The following PRKAR2B variants were observed in gnomAD, a reference collection of about 807,000 sequenced individuals.
PRKAR2B encodes protein kinase cAMP-dependent type II regulatory subunit beta.
A neutral mutation model predicts 49.9 loss-of-function variants in PRKAR2B; 14 were observed. The observed-to-expected ratio is 0.28, with a 90% CI of 0.19 to 0.44. The LOEUF is 0.44. Ranked by LOEUF, PRKAR2B falls within the 20% of genes least tolerant of loss-of-function variation. The probability of loss-of-function intolerance (pLI) is 1.00; values close to 1 mark genes in which losing one functional copy is unlikely to be tolerated. For missense variants in PRKAR2B, 393 were observed against 537.9 expected (o/e 0.73, Z 2.67); for synonymous variants, 196 against 197.7 (o/e 0.99, Z 0.07).
At chr7:107,141,060 G>C in intron 5 of PRKAR2B, 107 bp downstream of exon 5, 1 of 735,864 alleles carries the variant, frequency 1.4e-6, no homozygotes, top group Non-Finnish European at 2.2e-6. Context: ...TGTTATTGCC[G>C]CTACTCTTAT....
At position 107,104,580 on chromosome 7, in the gene PRKAR2B, T is replaced by G. The variant is rs138329505; in HGVS notation, c.344-17372T>G. On this transcript the variant is annotated intron_variant, in intron 2 of 10. Transcript: ENST00000265717. ...CCTCCCTAGTAACGCTGAAAATTAA[T>G]ATGGTCATTCACATGTTGTAGGAAG... 3.5e-4 allele frequency among the ~76,000 whole-genome samples: 53 copies of G among 152,318 alleles called. No homozygotes were observed. The East Asian group carries it at 6.4e-3, about 18-fold the overall frequency.
At chr7:107,090,462 A>G (rs756996868) in intron 2 of PRKAR2B, among the ~76,000 whole-genome samples, 13 of 152,204 alleles carry the variant, frequency 8.5e-5, no homozygotes, top group African/African-American at 2.4e-4. Flanking sequence ...GGGGTCTGCT[A>G]TGGCACAGGG....
intron 1 of PRKAR2B, among the ~76,000 whole-genome samples, chr7:107,061,103 C>T (rs1459882419): frequency 6.6e-6 from 1 of 151,934 alleles, no homozygotes; most frequent in African/African-American, 2.4e-5. Flanking sequence ...ATTGGGTTTG[C>T]TGTCCTTTCC....
chr7:107,092,143 TA>T (rs1480046274), intron 2 of PRKAR2B, among the ~76,000 whole-genome samples: 3 of 152,094 alleles, frequency 2.0e-5, no homozygotes, highest in Admixed American at 6.6e-5. Flanking sequence ...GAAGAGGCCC[TA>T]AATATAGGTT....
intron 4 of PRKAR2B, among the ~76,000 whole-genome samples, chr7:107,137,787 T>C (rs1795724349): frequency 6.6e-6 from 1 of 152,198 alleles, no homozygotes; most frequent in South Asian, 2.1e-4. Flanking sequence ...AATTTGGATT[T>C]CTCTTCATTT....
At chr7:107,107,229 C>T (rs1231497192) in intron 2 of PRKAR2B, among the ~76,000 whole-genome samples, 4 of 151,814 alleles carry the variant, frequency 2.6e-5, no homozygotes, top group African/African-American at 7.3e-5. Flanking sequence ...CCCAGCTACT[C>T]GGGAGGCTGA....
chr7:107,144,684 C>T (rs1022168205), intron 5 of PRKAR2B, among the ~76,000 whole-genome samples: 1 of 151,660 alleles, frequency 6.6e-6, no homozygotes, highest in Non-Finnish European at 1.5e-5. Context: ...TGGTCTTGAA[C>T]TCCTGGATTC....
chr7:107,091,855 G>C (rs1794737597), intron 2 of PRKAR2B: 2 of 150,954 alleles, frequency 1.3e-5, no homozygotes, highest in Admixed American at 6.6e-5. Context: ...CATGTAAGAT[G>C]CGAATCTACT....
chr7:107,148,656 C>A (rs1292900901), intron 6 of PRKAR2B, among the ~76,000 whole-genome samples: 1 of 152,002 alleles, frequency 6.6e-6, no homozygotes, highest in East Asian at 1.9e-4. Context: ...CAGGGAGAGT[C>A]GAGTAGAAAA....
intron 4 of PRKAR2B, among the ~76,000 whole-genome samples, chr7:107,137,308 C>T (rs965933067): frequency 1.3e-5 from 2 of 152,192 alleles, no homozygotes; most frequent in Non-Finnish European, 2.9e-5. Flanking sequence ...TCCTGAAATT[C>T]CCTCATTGCA....
intron 2 of PRKAR2B, among the ~76,000 whole-genome samples, chr7:107,094,877 G>T (rs1794805631): frequency 6.6e-6 from 1 of 152,060 alleles, no homozygotes; most frequent in Admixed American, 6.6e-5. Flanking sequence ...ATCTGTTTTG[G>T]TAACAGTACC....
intron 1 of PRKAR2B, among the ~76,000 whole-genome samples, chr7:107,065,999 C>A (rs1171881852): frequency 6.6e-6 from 1 of 152,156 alleles, no homozygotes; most frequent in African/African-American, 2.4e-5. Flanking sequence ...AGCGTAGGAA[C>A]TAAACGAATC....
Position 107,159,474 on chromosome 7 carries a change from G to A in PRKAR2B, c.1149G>A (p.Arg383=). The change falls in exon 11 of 11, where the codon AGG becomes AGA. Residue 383 remains arginine, a synonymous_variant. Coordinates refer to ENST00000265717, the MANE Select transcript of PRKAR2B (RefSeq NM_002736.3). ...CLAMDVQAFE[R]LLGPCMEIMK... is the part of the protein sequence containing the mutation. ...CAATGGATGTGCAAGCATTTGAAAG[G>A]CTTCTGGGACCTTGCATGGAAATTA... The A allele has an allele frequency of 6.2e-7, 1 of 1,613,968 alleles. No individual in the cohort carries two copies. Among genetic ancestry groups the A allele is most frequent in the South Asian group, 1.1e-5 (1 of 91,066 alleles).
chr7:107,105,223 T>C (rs146254716), intron 2 of PRKAR2B, among the ~76,000 whole-genome samples: 11 of 152,304 alleles, frequency 7.2e-5, no homozygotes, highest in Admixed American at 6.5e-4. Context: ...AGAAGTGATA[T>C]GCAGTGGAAG....
chr7:107,064,191 T>C (rs1794084037), intron 1 of PRKAR2B, among the ~76,000 whole-genome samples: 2 of 152,218 alleles, frequency 1.3e-5, no homozygotes, highest in African/African-American at 4.8e-5. Flanking sequence ...TATTTTTCTC[T>C]CTTTTTCTAA....
intron 2 of PRKAR2B, among the ~76,000 whole-genome samples, chr7:107,097,993 G>A (rs1794879163): frequency 6.6e-6 from 1 of 152,116 alleles, no homozygotes; most frequent in Non-Finnish European, 1.5e-5. Flanking sequence ...GTGTCTTGGA[G>A]TTGCTTTTCT....
At chr7:107,054,136 T>G (rs919509671) in intron 1 of PRKAR2B, among the ~76,000 whole-genome samples, 1 of 151,660 alleles carries the variant, frequency 6.6e-6, no homozygotes, top group Non-Finnish European at 1.5e-5. Flanking sequence ...AATCATGAGG[T>G]CAGGAAATCG....
intron 7 of PRKAR2B, among the ~76,000 whole-genome samples, chr7:107,151,396 G>A (rs1307462551): frequency 6.6e-6 from 1 of 152,126 alleles, no homozygotes; most frequent in Admixed American, 6.5e-5. Context: ...AGTCATCTTT[G>A]CTGTTTATTC....
intron 2 of PRKAR2B, among the ~76,000 whole-genome samples, chr7:107,099,685 C>A (rs892483161): frequency 6.7e-6 from 1 of 149,608 alleles, no homozygotes; most frequent in Admixed American, 6.7e-5. Context: ...GTTGCCCAGG[C>A]TGGAGTGCAG....
Sources: gnomAD v4.1 joint callset for allele counts (sites outside exome capture counted in the v4.1 genomes callset) on GRCh38, gnomAD v4.1.1 for gene constraint, MANE v1.5 for transcripts, NCBI Gene and HGNC (gene_info 2026-07-23, HGNC 2026-07-21) for gene names.